The following CASP6 variants were observed in gnomAD, a reference collection of about 807,000 sequenced individuals.
The protein encoded by CASP6 is caspase-6.
In CASP6, 20 loss-of-function variants were observed where a neutral mutation model predicts 31.8. The observed-to-expected ratio is 0.63, with a 90% confidence interval of 0.44 to 0.91. CASP6 has a LOEUF of 0.91. CASP6 is among the 40% of genes least tolerant of loss of function. The probability of loss-of-function intolerance (pLI) is 0.00; values close to 1 mark genes in which losing one functional copy is unlikely to be tolerated. For missense variants in CASP6, 328 were observed against 361.1 expected, an observed-to-expected ratio of 0.91 and a Z score of 0.74; for synonymous variants, 130 against 127.8, an observed-to-expected ratio of 1.02 and a Z score of -0.12.
the CASP6 span, chr4:109,682,677 AAGAG>A: frequency 1.2e-6 from 2 of 1,613,746 alleles, no homozygotes; most frequent in South Asian, 2.2e-5. Context: ...GTCTCAGAAA[AAGAG>A]AGAGCACCAT....
At chr4:109,672,186 T>C in the CASP6 span, among the ~76,000 whole-genome samples, 1 of 152,332 alleles carries the variant, frequency 6.6e-6, no homozygotes, top group South Asian at 2.1e-4. Context: ...GAGGGGTCTG[T>C]AGTTGACTAA....
At chr4:109,681,434 G>A in the CASP6 span, 3 of 453,162 alleles carry the variant, frequency 6.6e-6, no homozygotes, top group Non-Finnish European at 1.3e-5. Flanking sequence ...CTTTCTGGTA[G>A]AGAGTGTTAC....
chr4:109,702,193 C>G (rs1337082892), intron 1 of CASP6, among the ~76,000 whole-genome samples: 1 of 152,204 alleles, frequency 6.6e-6, no homozygotes, highest in African/African-American at 2.4e-5. Context: ...GCCTCCAGGA[C>G]AAGGCTACCT....
the CASP6 span, among the ~76,000 whole-genome samples, chr4:109,669,573 G>A: frequency 6.6e-6 from 1 of 151,788 alleles, no homozygotes; most frequent in African/African-American, 2.4e-5. Context: ...ATTAGTTTGG[G>A]GGGAGTTCTC....
chr4:109,703,472 G>C (rs557143902), upstream of CASP6: 535 of 1,548,398 alleles, frequency 3.5e-4, 2 homozygotes, highest in African/African-American at 6.5e-3. Context: ...CCCCGCCCTC[G>C]GCCCTTCCTC....
the CASP6 span, among the ~76,000 whole-genome samples, chr4:109,667,997 C>A: frequency 6.6e-6 from 1 of 151,684 alleles, no homozygotes; most frequent in Non-Finnish European, 1.5e-5. Flanking sequence ...CACTGAGATC[C>A]GAAAGCATAC....
chr4:109,676,674 T>C, the CASP6 span, among the ~76,000 whole-genome samples: 1 of 152,230 alleles, frequency 6.6e-6, no homozygotes, highest in Non-Finnish European at 1.5e-5. Flanking sequence ...TCTTAATCTG[T>C]TTTCTGCTGC....
intron 6 of CASP6, 135 bp from the exon 7 acceptor site, chr4:109,689,703 CT>C (rs1329889075): frequency 1.3e-6 from 1 of 757,246 alleles, no homozygotes; most frequent in Non-Finnish European, 2.1e-6. Context: ...ATATAAATGG[CT>C]TTTAAATTTT....
At chr4:109,704,306 A>G (rs769389641), upstream of CASP6, among the ~76,000 whole-genome samples, 1 of 152,256 alleles carries the variant, frequency 6.6e-6, no homozygotes, top group Non-Finnish European at 1.5e-5. Flanking sequence ...TTGTGAGTGC[A>G]AAGGAGAAAA....
the CASP6 span, among the ~76,000 whole-genome samples, chr4:109,708,942 C>CA: frequency 3.3e-5 from 5 of 152,162 alleles, no homozygotes; most frequent in Non-Finnish European, 7.4e-5. Flanking sequence ...ACAGGCTGCC[C>CA]AGGTTCTACT....
chr4:109,693,467 C>A (rs1166011821), intron 5 of CASP6, among the ~76,000 whole-genome samples: 1 of 152,142 alleles, frequency 6.6e-6, no homozygotes, highest in African/African-American at 2.4e-5. Context: ...GCGGGCAGAT[C>A]ACCTGAGGTC....
chr4:109,705,996 AAAAAAATATATATATAT>A (rs1278101355), upstream of CASP6, among the ~76,000 whole-genome samples: 209 of 64,494 alleles, frequency 3.2e-3, 4 homozygotes, highest in South Asian at 0.018. Context: ...AAAAAAAAAA[AAAAAAATATATATATAT>A]ATATATATAT....
downstream of CASP6, among the ~76,000 whole-genome samples, chr4:109,683,809 G>C (rs1729770276): frequency 6.6e-6 from 1 of 152,194 alleles, no homozygotes; most frequent in African/African-American, 2.4e-5. Context: ...TGAATTCCTA[G>C]AAGTAGAATT....
chr4:109,669,490 T>C, the CASP6 span, among the ~76,000 whole-genome samples: 1 of 152,172 alleles, frequency 6.6e-6, no homozygotes, highest in East Asian at 1.9e-4. Flanking sequence ...GATATACGTA[T>C]GTGTAGTTTT....
chr4:109,707,251 G>A (rs553769654), upstream of CASP6, among the ~76,000 whole-genome samples: 2 of 152,080 alleles, frequency 1.3e-5, no homozygotes, highest in African/African-American at 4.8e-5. Flanking sequence ...TATCCCATAG[G>A]GGGTGGCATA....
downstream of CASP6, among the ~76,000 whole-genome samples, chr4:109,683,944 A>G (rs975768351): frequency 6.6e-6 from 1 of 152,092 alleles, no homozygotes; most frequent in African/African-American, 2.4e-5. Flanking sequence ...AAAGAGTTTT[A>G]TTAGTGAGCT....
upstream of CASP6, among the ~76,000 whole-genome samples, chr4:109,706,164 TATATATACACACACACATATAC>T (rs1730612864): frequency 1.1e-5 from 1 of 90,684 alleles, no homozygotes; most frequent in Non-Finnish European, 2.0e-5. Context: ...TATATATATA[TATATATACACACACACATATAC>T]ACACACACAT....
the CASP6 span, chr4:109,682,836 T>G: frequency 1.0e-6 from 1 of 965,756 alleles, no homozygotes; most frequent in Non-Finnish European, 1.5e-6. Context: ...GCTTTCCATA[T>G]GCTAATTTTC....
At chr4:109,679,384 G>A in the CASP6 span, among the ~76,000 whole-genome samples, 6 of 152,336 alleles carry the variant, frequency 3.9e-5, no homozygotes, top group South Asian at 2.1e-4. Context: ...GCGAGACTCC[G>A]TCTGCAATCC....
Sources: gnomAD v4.1 joint callset for allele counts (sites outside exome capture counted in the v4.1 genomes callset) on GRCh38, gnomAD v4.1.1 for gene constraint, MANE v1.5 for transcripts, NCBI Gene and HGNC (gene_info 2026-07-23, HGNC 2026-07-21) for gene names.